CWC27: variants seen among roughly 807,000 people sequenced by gnomAD.
CWC27 encodes CWC27 spliceosome associated cyclophilin.
Under a neutral mutation model 63.6 loss-of-function variants are expected in CWC27, and 47 were observed. The ratio of observed to expected loss-of-function variants is 0.74; its 90% CI spans 0.58 to 0.94. CWC27 has a LOEUF of 0.94. Among genes scored for constraint, CWC27 ranks in the 40% least tolerant of loss-of-function variants. CWC27 has a pLI of 0.00. For missense variants in CWC27, 495 were observed against 554.3 expected, an observed-to-expected ratio of 0.89 and a Z score of 1.07; for synonymous variants, 175 against 179.8, an observed-to-expected ratio of 0.97 and a Z score of 0.22.
At chr5:64,800,572 A>T (rs1359693504) in intron 8 of CWC27, among the ~76,000 whole-genome samples, 1 of 152,238 alleles carries the variant, frequency 6.6e-6, no homozygotes, top group Non-Finnish European at 1.5e-5. Flanking sequence ...TTGTTTTACC[A>T]TTACATGTTA....
At chr5:64,847,145 A>G (rs1176118092) in intron 10 of CWC27, among the ~76,000 whole-genome samples, 2 of 152,182 alleles carry the variant, frequency 1.3e-5, no homozygotes, top group African/African-American at 4.8e-5. Context: ...GTATACAAAG[A>G]TACATCTCAC....
chr5:64,939,116 T>C lies in CWC27; in HGVS notation c.1043-32587T>C, dbSNP rs560042127. On this transcript the variant is annotated intron_variant, in intron 11 of 13. Transcript: ENST00000381070. ...TCTGAAGCCTACTTCTGTCAATTCA[T>C]CAAACTCATTCTCCATCCAGTTTTG... is the stretch of plus-strand genomic sequence containing the variant. Among the ~76,000 whole-genome samples, 49 of 152,222 alleles carry C rather than the reference T, an allele frequency of 3.2e-4. 1 individual carries two copies. The highest frequency in any genetic ancestry group is 2.6e-4 in the Admixed American group (4 of 15,292).
intron 13 of CWC27, among the ~76,000 whole-genome samples, chr5:64,996,404 A>G (rs368197173): frequency 6.6e-6 from 1 of 152,178 alleles, no homozygotes; most frequent in East Asian, 1.9e-4. Context: ...ATTTGCGTAC[A>G]GATAATGCAA....
chr5:64,940,509 C>T (rs550189989), intron 11 of CWC27, among the ~76,000 whole-genome samples: 5 of 152,300 alleles, frequency 3.3e-5, no homozygotes, highest in Admixed American at 6.5e-5. Context: ...AATCACCCGC[C>T]TTCTGCATTG....
At chr5:64,993,217 C>T (rs1428447451) in intron 13 of CWC27, among the ~76,000 whole-genome samples, 1 of 152,082 alleles carries the variant, frequency 6.6e-6, no homozygotes, top group Non-Finnish European at 1.5e-5. Flanking sequence ...AGTGGGGGTG[C>T]ATGGTACTAG....
At chr5:64,949,913 G>A (rs1748672281) in intron 11 of CWC27, among the ~76,000 whole-genome samples, 1 of 151,894 alleles carries the variant, frequency 6.6e-6, no homozygotes, top group African/African-American at 2.4e-5. Context: ...CAAAGCCCAG[G>A]GGCTGAAACC....
At chr5:64,925,025 C>T (rs1464913391) in intron 11 of CWC27, among the ~76,000 whole-genome samples, 3 of 151,864 alleles carry the variant, frequency 2.0e-5, no homozygotes, top group Non-Finnish European at 4.4e-5. Context: ...TAGTTAGCAA[C>T]ATGGGCTTGA....
At chr5:64,855,134 AAT>A (rs968458674) in intron 10 of CWC27, among the ~76,000 whole-genome samples, 1 of 152,170 alleles carries the variant, frequency 6.6e-6, no homozygotes, top group Non-Finnish European at 1.5e-5. Flanking sequence ...TGGTAACCTC[AAT>A]ATTAATGGTC....
At position 64,802,580 on chromosome 5, in the gene CWC27, A is replaced by G. The variant is rs1032111613; in HGVS notation, c.780+1248A>G. On this transcript the variant is annotated intron_variant, in intron 9 of 13. Transcript: ENST00000381070. ...TATTGTAGGAGGAGAGCTTGATATA[A>G]GACCACAGCTGTGAGATGGGAAAGA... Among the ~76,000 whole-genome samples, 3 of 152,310 alleles carry G rather than the reference A, an allele frequency of 2.0e-5. No individual in the cohort carries two copies. In the South Asian group the frequency reaches 6.2e-4, roughly 32 times the overall value.
intron 7 of CWC27, among the ~76,000 whole-genome samples, chr5:64,792,005 G>A (rs780451584): frequency 5.9e-5 from 9 of 151,984 alleles, no homozygotes; most frequent in Non-Finnish European, 8.8e-5. Context: ...CTATAGACCA[G>A]TTTCCCATCT....
intron 13 of CWC27, among the ~76,000 whole-genome samples, chr5:64,983,198 A>G (rs1375330065): frequency 6.6e-6 from 1 of 152,178 alleles, no homozygotes; most frequent in Non-Finnish European, 1.5e-5. Context: ...TCTATTAATA[A>G]TATGTTATAA....
intron 13 of CWC27, among the ~76,000 whole-genome samples, chr5:65,013,444 T>C (rs550346233): frequency 6.6e-6 from 1 of 152,286 alleles, no homozygotes; most frequent in African/African-American, 2.4e-5. Flanking sequence ...GCACCGGGAA[T>C]GCAACAGTGA....
intron 11 of CWC27, among the ~76,000 whole-genome samples, chr5:64,940,433 TG>T (rs1460344149): frequency 6.6e-6 from 1 of 152,158 alleles, no homozygotes; most frequent in Non-Finnish European, 1.5e-5. Context: ...TCACCCTCCG[TG>T]GGCTGCACCC....
At chr5:65,006,986 GA>G (rs1193215853) in intron 13 of CWC27, among the ~76,000 whole-genome samples, 1 of 147,442 alleles carries the variant, frequency 6.8e-6, no homozygotes, top group Non-Finnish European at 1.5e-5. Flanking sequence ...AAGAAAGAAA[GA>G]AAGAAAGAAA....
intron 13 of CWC27, among the ~76,000 whole-genome samples, chr5:64,987,345 C>T (rs917295017): frequency 8.5e-5 from 13 of 152,090 alleles, no homozygotes; most frequent in African/African-American, 3.1e-4. Context: ...AGAATTCTTA[C>T]ATGTATGTAG....
intron 3 of CWC27, 70 bp from the exon 4 acceptor site, chr5:64,783,766 G>T (rs991390342): frequency 7.5e-7 from 1 of 1,331,878 alleles, no homozygotes; most frequent in Admixed American, 2.9e-5. Flanking sequence ...GACCTTGCAG[G>T]TCAAGTTGAA....
Position 64,911,588 on chromosome 5 carries a change from C to T in CWC27, c.1042+26042C>T, listed in dbSNP as rs373831034. Among the ~76,000 whole-genome samples the T allele has an allele frequency of 3.0e-3, 455 of 152,244 alleles. 4 individuals carry two copies. Among genetic ancestry groups the T allele is most frequent in the African/African-American group, 0.01 (430 of 41,540 alleles). ...GATCAGAGTTTGGGGCAACCCTTTC[C>T]CTGGGAAAATCTGCTGAATTTAGAG... On this transcript the variant is annotated intron_variant, in intron 11 of 13. Transcript: ENST00000381070.
At position 65,018,286 on chromosome 5, in the gene CWC27, A is replaced by C; in HGVS notation, c.1384A>C (p.Lys462Gln). Residue 462 changes from lysine (K) to glutamine (Q), a missense_variant, in exon 14 of 14, where the codon AAA (lysine) becomes CAA (glutamine). Physicochemically the swap from Lys to Gln is moderately conservative, Grantham distance 53. Coordinates refer to ENST00000381070, the MANE Select transcript of CWC27 (RefSeq NM_005869.4). The stretch of plus-strand genomic sequence containing the variant: ...GAATAAAAGAAGGAGGGAAGAAAGC[A>C]AAAAGCTGATGAGAGAGAAAAAAGA... ...PVNKRRREES[K>Q]KLMREKKERR 1 of 1,604,958 alleles carries C rather than the reference A, an allele frequency of 6.2e-7. No individual in the cohort carries two copies. Among genetic ancestry groups the C allele is most frequent in the Non-Finnish European group, 8.5e-7 (1 of 1,177,824 alleles).
At chr5:65,002,711 G>T (rs1473982901) in intron 13 of CWC27, among the ~76,000 whole-genome samples, 6 of 151,888 alleles carry the variant, frequency 4.0e-5, no homozygotes, top group Non-Finnish European at 8.8e-5. Flanking sequence ...CTTCAACTAT[G>T]GTCTATTCTG....
Sources: allele counts gnomAD v4.1 joint callset (sites outside exome capture counted in the v4.1 genomes callset), GRCh38; gene constraint gnomAD v4.1.1; transcripts MANE v1.5; gene names NCBI Gene and HGNC (gene_info 2026-07-23, HGNC 2026-07-21).